Variants in ERC2 observed in about 807,000 individuals in gnomAD.
ERC2 encodes the protein ERC protein 2.
A neutral mutation model predicts 114.8 loss-of-function variants in ERC2; 42 were observed. That is an observed-to-expected ratio of 0.37 (90% confidence interval 0.29 to 0.47). The LOEUF (loss-of-function observed/expected upper bound fraction) is 0.47. ERC2 is among the 20% of genes least tolerant of loss of function. ERC2 has a pLI of 0.99. For missense variants in ERC2, 939 were observed against 1,150.7 expected (o/e 0.82, Z 2.66); for synonymous variants, 454 against 425.5 (o/e 1.07, Z -0.82).
chr3:55,950,678 G>A (rs1036226882), intron 12 of ERC2, 118 bp from the exon 13 acceptor site: 8 of 1,094,540 alleles, frequency 7.3e-6, no homozygotes, highest in Admixed American at 4.3e-5. Context: ...GGAAAAAGAT[G>A]ATACTTCTGA....
intron 4 of ERC2, among the ~76,000 whole-genome samples, chr3:56,152,441 G>C (rs758755744): frequency 6.6e-6 from 1 of 151,582 alleles, no homozygotes; most frequent in African/African-American, 2.4e-5. Flanking sequence ...TAAATATCTA[G>C]ATCAGCCTGC....
At chr3:56,027,437 C>G (rs2074115667) in intron 7 of ERC2, among the ~76,000 whole-genome samples, 1 of 152,184 alleles carries the variant, frequency 6.6e-6, no homozygotes, top group Admixed American at 6.5e-5. Flanking sequence ...TTCTCATCAA[C>G]AGTGTGTGAA....
chr3:55,617,320 T>C (rs77461697), intron 17 of ERC2, among the ~76,000 whole-genome samples: 3,149 of 152,256 alleles, frequency 0.021, 100 homozygotes, highest in African/African-American at 0.071. Context: ...TGTCCTTCCA[T>C]AAAACCATTT....
intron 17 of ERC2, among the ~76,000 whole-genome samples, chr3:55,549,015 A>G (rs1472008293): frequency 6.6e-6 from 1 of 152,248 alleles, no homozygotes; most frequent in Non-Finnish European, 1.5e-5. Context: ...ACACCGTGCT[A>G]TGCAGGTCAA....
At chr3:56,407,541 T>G (rs945840574) in intron 2 of ERC2, among the ~76,000 whole-genome samples, 8 of 152,208 alleles carry the variant, frequency 5.3e-5, no homozygotes, top group Non-Finnish European at 1.2e-4. Flanking sequence ...TGGGTGAGTC[T>G]ATCCACAAAC....
chr3:55,550,814 A>G (rs2055122402), intron 17 of ERC2, among the ~76,000 whole-genome samples: 1 of 152,102 alleles, frequency 6.6e-6, no homozygotes, highest in Non-Finnish European at 1.5e-5. Context: ...CAGGAGATCG[A>G]GACCATCCTG....
intron 11 of ERC2, among the ~76,000 whole-genome samples, chr3:55,990,061 G>A (rs1385161020): frequency 1.3e-5 from 2 of 152,044 alleles, no homozygotes; most frequent in African/African-American, 4.8e-5. Flanking sequence ...TAACTTTCCT[G>A]TGATCTCATG....
At chr3:56,268,052 T>A (rs1156619445) in intron 3 of ERC2, among the ~76,000 whole-genome samples, 1 of 152,200 alleles carries the variant, frequency 6.6e-6, no homozygotes, top group Non-Finnish European at 1.5e-5. Context: ...AATATTGTAA[T>A]CACTTCACAA....
intron 13 of ERC2, among the ~76,000 whole-genome samples, chr3:55,949,354 G>C (rs1426912178): frequency 6.6e-6 from 1 of 151,752 alleles, no homozygotes; most frequent in Non-Finnish European, 1.5e-5. Context: ...TGGGCGACAG[G>C]GGGAGACTCC....
At chr3:55,716,873 G>T (rs575432285) in intron 15 of ERC2, among the ~76,000 whole-genome samples, 1 of 152,222 alleles carries the variant, frequency 6.6e-6, no homozygotes, top group South Asian at 2.1e-4. Context: ...AATTTGCAAG[G>T]CTATCTATAT....
intron 13 of ERC2, among the ~76,000 whole-genome samples, chr3:55,898,264 G>T (rs756194333): frequency 6.6e-6 from 1 of 152,182 alleles, no homozygotes; most frequent in East Asian, 1.9e-4. Flanking sequence ...GGCTGTGGGG[G>T]TGTGCTTCTG....
chr3:56,027,982 G>T (rs1276069467), intron 7 of ERC2, among the ~76,000 whole-genome samples: 2 of 152,132 alleles, frequency 1.3e-5, no homozygotes, highest in African/African-American at 2.4e-5. Flanking sequence ...AAGGTGTGAA[G>T]TTTAGGTCAA....
chr3:56,323,760 C>T (rs2057232454), intron 2 of ERC2, among the ~76,000 whole-genome samples: 1 of 152,202 alleles, frequency 6.6e-6, no homozygotes, highest in African/African-American at 2.4e-5. Context: ...CCAGCCTCAA[C>T]TGCAGCAAGA....
chr3:55,967,846 C>G (rs1306085647), intron 12 of ERC2, among the ~76,000 whole-genome samples: 1 of 152,174 alleles, frequency 6.6e-6, no homozygotes, highest in African/African-American at 2.4e-5. Context: ...GTTGTACTCT[C>G]TTGCCCTCTC....
chr3:55,554,004 A>C (rs1365830597), intron 17 of ERC2, among the ~76,000 whole-genome samples: 1 of 152,236 alleles, frequency 6.6e-6, no homozygotes, highest in Non-Finnish European at 1.5e-5. Flanking sequence ...TAGTGCCTTT[A>C]GAACTGTTTC....
chr3:55,706,407 T>G (rs1322077142), intron 15 of ERC2, among the ~76,000 whole-genome samples: 1 of 152,042 alleles, frequency 6.6e-6, no homozygotes, highest in Non-Finnish European at 1.5e-5. Flanking sequence ...TGTTGTTGTT[T>G]GTTTTTTTGA....
chr3:55,941,023 A>G (rs2066751593), intron 13 of ERC2, among the ~76,000 whole-genome samples: 1 of 152,232 alleles, frequency 6.6e-6, no homozygotes, highest in African/African-American at 2.4e-5. Flanking sequence ...TCTTGCTTAA[A>G]TTAACATCAC....
intron 6 of ERC2, among the ~76,000 whole-genome samples, chr3:56,086,795 T>C (rs978483131): frequency 1.8e-4 from 27 of 152,060 alleles, no homozygotes; most frequent in African/African-American, 6.3e-4. Flanking sequence ...ACAGAGTACA[T>C]CACTTAAAAC....
chr3:56,243,130 T>C (rs1008293444), intron 3 of ERC2, among the ~76,000 whole-genome samples: 6 of 152,308 alleles, frequency 3.9e-5, no homozygotes, highest in Middle Eastern at 3.4e-3. Context: ...TTGAGGGCCA[T>C]CAGTTGCCTT....
Sources: allele counts gnomAD v4.1 joint callset (sites outside exome capture counted in the v4.1 genomes callset), GRCh38; gene constraint gnomAD v4.1.1; transcripts MANE v1.5; gene names NCBI Gene and HGNC (gene_info 2026-07-23, HGNC 2026-07-21).